The following DNMBP variants were observed in gnomAD, a reference collection of about 807,000 sequenced individuals.
The protein encoded by DNMBP is dynamin-binding protein.
In DNMBP, 87 loss-of-function variants were observed where a neutral mutation model predicts 150.0. That is an observed-to-expected ratio of 0.58 (90% CI 0.49 to 0.69). DNMBP has a LOEUF of 0.69. Among genes scored for constraint, DNMBP ranks in the 30% least tolerant of loss-of-function variants. The pLI is 0.00. For missense variants in DNMBP, 1,774 were observed against 1,949.0 expected (o/e 0.91, Z 1.69); for synonymous variants, 711 against 750.4 (o/e 0.95, Z 0.86).
intron 4 of DNMBP, chr10:99,930,352 C>T: frequency 1.4e-6 from 1 of 702,972 alleles, no homozygotes; most frequent in Non-Finnish European, 2.6e-6. Flanking sequence ...TCTGAGTAGC[C>T]ATTTGCCTCC....
intron 1 of DNMBP, among the ~76,000 whole-genome samples, chr10:99,982,751 G>A (rs979002137): frequency 4.6e-5 from 7 of 152,060 alleles, no homozygotes; most frequent in Non-Finnish European, 7.4e-5. Context: ...CCAGGAGTTC[G>A]AGTCCAGACT....
chr10:99,969,603 C>T (rs1027810102), intron 2 of DNMBP, among the ~76,000 whole-genome samples: 2 of 152,152 alleles, frequency 1.3e-5, no homozygotes, highest in Admixed American at 1.3e-4. Flanking sequence ...AACGTAAGTA[C>T]ACAAATTGTT....
At chr10:99,902,619 T>TG (rs1554861573) in intron 6 of DNMBP, among the ~76,000 whole-genome samples, 2 of 125,208 alleles carry the variant, frequency 1.6e-5, no homozygotes. Flanking sequence ...TGCCTCCCTT[T>TG]AAAAAAAAAA....
At chr10:99,998,360 C>G (rs1349540036) in intron 1 of DNMBP, among the ~76,000 whole-genome samples, 1 of 152,012 alleles carries the variant, frequency 6.6e-6, no homozygotes, top group Non-Finnish European at 1.5e-5. Context: ...GGTGGATTGC[C>G]TGAGCTCAGG....
At chr10:99,943,095 G>A (rs1418809494) in intron 4 of DNMBP, among the ~76,000 whole-genome samples, 1 of 152,116 alleles carries the variant, frequency 6.6e-6, no homozygotes, top group Non-Finnish European at 1.5e-5. Flanking sequence ...GACTAGCCTG[G>A]CCAACATGGC....
In DNMBP at chr10:99,884,060, C is replaced by T. The variant is rs199990030; in HGVS notation, c.3948G>A (p.Lys1316=). The change falls in exon 15 of 17, where the codon AAG becomes AAA. Residue 1316 remains lysine (K), a synonymous_variant. Transcript: ENST00000324109. ...LLEGDLVGVI[K]KKDPMGSQNR... Reference sequence around the variant, plus strand: ...TCTGGCTGCCCATGGGGTCTTTTTTCTTAATCACACCCACCAGGTCACCTT... The same window carrying T: ...TCTGGCTGCCCATGGGGTCTTTTTTTTTAATCACACCCACCAGGTCACCTT... 6.2e-7 allele frequency: 1 copy of T among 1,613,828 alleles called. No homozygotes were observed. Among genetic ancestry groups the T allele is most frequent in the African/African-American group, 1.3e-5 (1 of 74,926 alleles).
chr10:99,883,786 G>A (rs1242376634), intron 15 of DNMBP, among the ~76,000 whole-genome samples: 1 of 152,108 alleles, frequency 6.6e-6, no homozygotes, highest in South Asian at 2.1e-4. Context: ...GAGCTTGCAT[G>A]ATAAGCAACG....
intron 1 of DNMBP, among the ~76,000 whole-genome samples, chr10:99,983,441 A>T (rs2040798991): frequency 6.6e-6 from 1 of 152,244 alleles, no homozygotes; most frequent in African/African-American, 2.4e-5. Flanking sequence ...CTAGGAAAAC[A>T]GCACTTCCTC....
At chr10:99,976,783 C>T (rs1474058670) in intron 1 of DNMBP, among the ~76,000 whole-genome samples, 1 of 146,758 alleles carries the variant, frequency 6.8e-6, no homozygotes, top group Non-Finnish European at 1.5e-5. Flanking sequence ...TAAGTATTTT[C>T]TTAAAAAAAA....
chr10:99,918,753 G>A (rs2039993107), intron 4 of DNMBP, among the ~76,000 whole-genome samples: 1 of 152,054 alleles, frequency 6.6e-6, no homozygotes, highest in Non-Finnish European at 1.5e-5. Flanking sequence ...TTTTAGTAGA[G>A]ACAAGGTTTC....
At chr10:99,975,730 C>G (rs952483976) in intron 1 of DNMBP, among the ~76,000 whole-genome samples, 2 of 152,112 alleles carry the variant, frequency 1.3e-5, no homozygotes, top group African/African-American at 2.4e-5. Flanking sequence ...TCAGAGAGAC[C>G]CAGGTCCACA....
rs35462310 is a variant in DNMBP, at chr10:99,903,101, ATT to A, written c.2555-3037_2555-3036del. ...AGGTATGTGCTACCACACCTGGGCA[ATT>A]TTTTTTTTTTTTTTTTTTGTAGAAA... On this transcript the variant is annotated intron_variant, in intron 6 of 16. Coordinates refer to ENST00000324109, the MANE Select transcript of DNMBP (RefSeq NM_015221.4). Among the ~76,000 whole-genome samples the A allele has an allele frequency of 2.7e-3, 357 of 134,390 alleles. 12 individuals carry two copies. Among genetic ancestry groups the A allele is most frequent in the Non-Finnish European group, 3.4e-3 (211 of 62,570 alleles). The allele number at this position is 134,390 out of a possible 152,430, so 88.2% of individuals were successfully genotyped here. A position where few individuals can be genotyped will look rare whatever the true frequency, so the allele number is the denominator to read the frequency against.
intron 4 of DNMBP, among the ~76,000 whole-genome samples, chr10:99,939,145 G>T (rs2133301460): frequency 6.6e-6 from 1 of 152,090 alleles, no homozygotes; most frequent in East Asian, 1.9e-4. Context: ...GCAAGAATAT[G>T]TAACTCCCTA....
chr10:99,993,525 G>T (rs1259073643), intron 1 of DNMBP, among the ~76,000 whole-genome samples: 1 of 152,184 alleles, frequency 6.6e-6, no homozygotes, highest in African/African-American at 2.4e-5. Context: ...AGGCAGGCCA[G>T]GCATGTTGGC....
intron 4 of DNMBP, chr10:99,930,258 G>A (rs1275233451): frequency 2.8e-5 from 20 of 702,728 alleles, no homozygotes; most frequent in Admixed American, 2.0e-5. Context: ...ACCTAAATTC[G>A]CTGAAGAATC....
intron 11 of DNMBP, among the ~76,000 whole-genome samples, chr10:99,891,163 T>TCCCCCTCTCCCTCC (rs1377037256): frequency 6.8e-6 from 1 of 147,682 alleles, no homozygotes; most frequent in African/African-American, 2.5e-5. Context: ...CCTCTCCCTC[T>TCCCCCTCTCCCTCC]CCCCCTCTCC....
intron 11 of DNMBP, among the ~76,000 whole-genome samples, chr10:99,892,567 G>A (rs374552879): frequency 5.3e-5 from 7 of 131,566 alleles, no homozygotes; most frequent in African/African-American, 9.0e-5. Context: ...CAGCATGCTC[G>A]TTAAGAGTCA....
chr10:99,916,144 TA>T (rs751019785), intron 4 of DNMBP, among the ~76,000 whole-genome samples: 3 of 152,212 alleles, frequency 2.0e-5, no homozygotes, highest in African/African-American at 7.2e-5. Context: ...ATTGCATTTA[TA>T]AAATGCCACC....
intron 1 of DNMBP, among the ~76,000 whole-genome samples, chr10:99,979,318 G>A (rs12248461): frequency 0.043 from 6,481 of 152,158 alleles, 150 homozygotes; most frequent in South Asian, 0.087. Context: ...AATAAAGCCC[G>A]AGCACTAATC....
Sources: allele counts gnomAD v4.1 joint callset (sites outside exome capture counted in the v4.1 genomes callset), GRCh38; gene constraint gnomAD v4.1.1; transcripts MANE v1.5; gene names NCBI Gene and HGNC (gene_info 2026-07-23, HGNC 2026-07-21).